Variants in SLC12A1 observed in about 807,000 individuals in gnomAD.
SLC12A1 encodes the protein Na-K-2Cl cotransporter.
In SLC12A1, 89 loss-of-function variants were observed where a neutral mutation model predicts 130.4. That is an observed-to-expected ratio of 0.68 (90% CI 0.58 to 0.81). The LOEUF (loss-of-function observed/expected upper bound fraction) is 0.81. Ranked by LOEUF, SLC12A1 falls within the 40% of genes least tolerant of loss-of-function variation. SLC12A1 has a pLI of 0.00. For missense variants in SLC12A1, 1,310 were observed against 1,336.4 expected, an observed-to-expected ratio of 0.98 and a Z score of 0.31; for synonymous variants, 499 against 460.0, an observed-to-expected ratio of 1.08 and a Z score of -1.09.
intron 17 of SLC12A1, among the ~76,000 whole-genome samples, chr15:48,266,319 T>C (rs545638766): frequency 2.0e-5 from 3 of 152,258 alleles, no homozygotes; most frequent in East Asian, 3.9e-4. Flanking sequence ...TATTACTACT[T>C]AAAGCAACCT....
intron 21 of SLC12A1, among the ~76,000 whole-genome samples, chr15:48,286,595 C>T (rs891747829): frequency 1.3e-5 from 2 of 152,298 alleles, no homozygotes; most frequent in Middle Eastern, 3.4e-3. Flanking sequence ...GCATTAATGT[C>T]CTTATTATGA....
chr15:48,301,503 G>GCGGGGT (rs1555387783), intron 26 of SLC12A1, 121 bp downstream of exon 26: 10 of 442,810 alleles, frequency 2.3e-5, no homozygotes, highest in African/African-American at 6.4e-5. Context: ...TGTTTTTTTT[G>GCGGGGT]GGGGGGGGAA....
intron 20 of SLC12A1, among the ~76,000 whole-genome samples, chr15:48,282,987 T>G (rs920107765): frequency 6.6e-6 from 1 of 152,190 alleles, no homozygotes; most frequent in African/African-American, 2.4e-5. Flanking sequence ...ATGAAGATGA[T>G]AATAGTAGTA....
At chr15:48,229,777 T>C (rs764772820) in intron 6 of SLC12A1, among the ~76,000 whole-genome samples, 10 of 152,256 alleles carry the variant, frequency 6.6e-5, no homozygotes, top group African/African-American at 1.2e-4. Flanking sequence ...AGCCATTTCC[T>C]AGTTTAGGTG....
chr15:48,301,352 A>G lies in SLC12A1; in HGVS notation c.3134A>G (p.Glu1045Gly). The G allele has an allele frequency of 6.3e-7, 1 of 1,597,894 alleles. No individual in the cohort carries two copies. ...RQVRLNELLQ[E>G]HSRAANLIVL... The stretch of plus-strand genomic sequence containing the variant: ...GTTCGACTGAATGAACTCTTACAGG[A>G]GCACTCCAGAGCTGCTAATCTCATT... The change falls in exon 26 of 27, where the codon GAG becomes GGG. Residue 1045 changes from glutamate to glycine, a missense_variant. Transcript: ENST00000380993.
intron 9 of SLC12A1, among the ~76,000 whole-genome samples, chr15:48,236,243 ATT>A (rs2041439110): frequency 6.6e-6 from 1 of 152,230 alleles, no homozygotes. Flanking sequence ...AAACATATGC[ATT>A]GTCCAGCGGG....
intron 26 of SLC12A1, among the ~76,000 whole-genome samples, chr15:48,302,460 A>T (rs571237784): frequency 2.6e-5 from 4 of 151,034 alleles, no homozygotes; most frequent in Admixed American, 2.6e-4. Context: ...CTCTACTAAA[A>T]ATACAAAAAA....
At chr15:48,247,246 A>G in intron 12 of SLC12A1, 91 bp from the exon 13 acceptor site, 1 of 1,355,134 alleles carries the variant, frequency 7.4e-7, no homozygotes, top group Non-Finnish European at 1.0e-6. Context: ...GTATCACTTA[A>G]TCTTTCCCCA....
At chr15:48,229,042 G>T in intron 5 of SLC12A1, 147 bp from the exon 6 acceptor site, 2 of 808,072 alleles carry the variant, frequency 2.5e-6, no homozygotes, top group Non-Finnish European at 3.8e-6. Context: ...TTATTCACTG[G>T]GTAACACAGG....
chr15:48,290,943 CA>C (rs2042113504), intron 23 of SLC12A1, among the ~76,000 whole-genome samples: 2 of 151,900 alleles, frequency 1.3e-5, no homozygotes, highest in African/African-American at 4.8e-5. Context: ...TTAAATTTTC[CA>C]ATTTCAAAAA....
chr15:48,251,770 G>A lies in SLC12A1; in HGVS notation c.1942G>A (p.Asp648Asn), dbSNP rs137853157. ...LYVYVTCKKP[D>N]VNWGSSTQAL... ...CGTCTATGTGACTTGTAAGAAGCCAGGTAAGATAATGACTGTCTGGAATAG... is the reference window on the plus strand; with the variant it reads ...CGTCTATGTGACTTGTAAGAAGCCAAGTAAGATAATGACTGTCTGGAATAG... The change falls in exon 15 of 27, where the codon GAT becomes AAT. Residue 648 changes from aspartate to asparagine, a missense_variant and splice_region_variant. Physicochemically the swap from Asp to Asn is conservative, Grantham distance 23 (BLOSUM62 1). Transcript: ENST00000380993. The A allele has an allele frequency of 1.9e-6, 3 of 1,613,370 alleles. No individual in the cohort carries two copies. The highest frequency in any genetic ancestry group is 1.3e-5 in the African/African-American group (1 of 74,916).
chr15:48,288,537 A>G (rs1187234129), intron 23 of SLC12A1, 21 bp downstream of exon 23: 3 of 1,084,608 alleles, frequency 2.8e-6, no homozygotes, highest in South Asian at 1.4e-5. Context: ...TGCCACTCAC[A>G]TGTTAGGTCA....
chr15:48,261,733 T>A (rs1379607117), intron 17 of SLC12A1, among the ~76,000 whole-genome samples: 1 of 152,156 alleles, frequency 6.6e-6, no homozygotes, highest in African/African-American at 2.4e-5. Context: ...AAATGTTAAA[T>A]AGTGATGATA....
intron 11 of SLC12A1, among the ~76,000 whole-genome samples, chr15:48,245,690 T>A (rs981857478): frequency 6.6e-6 from 1 of 152,230 alleles, no homozygotes. Context: ...CTAGATTGAT[T>A]CCATGTCTTT....
intron 20 of SLC12A1, among the ~76,000 whole-genome samples, chr15:48,282,388 C>G (rs923708703): frequency 6.6e-6 from 1 of 152,144 alleles, no homozygotes; most frequent in Non-Finnish European, 1.5e-5. Context: ...CCCGCTGACT[C>G]CATTACAAAA....
At chr15:48,285,030 A>C (rs1458081812) in intron 20 of SLC12A1, 76 bp from the exon 21 acceptor site, 3 of 1,155,166 alleles carry the variant, frequency 2.6e-6, no homozygotes, top group Non-Finnish European at 1.2e-6. Flanking sequence ...CATTTTAAAT[A>C]TTAAAAGTTT....
At position 48,303,681 on chromosome 15, in the gene SLC12A1, C is replaced by T. The variant is rs1483214529; in HGVS notation, c.*796C>T. Reference sequence around the variant, plus strand: ...ATCAAATATTTTGAAATTTCCATCACGGCATTACTTTGCATATTTTTTTCT... The same window carrying T: ...ATCAAATATTTTGAAATTTCCATCATGGCATTACTTTGCATATTTTTTTCT... On this transcript the variant is annotated 3_prime_UTR_variant, in exon 27 of 27. Transcript: ENST00000380993. 2.6e-5 allele frequency: 4 copies of T among 152,114 alleles called. No homozygotes were observed. Among genetic ancestry groups the T allele is most frequent in the East Asian group, 1.9e-4 (1 of 5,204 alleles). The allele number at this position is 152,114 out of a possible 1,614,324, so 9.4% of individuals were successfully genotyped here.
chr15:48,270,969 A>T (rs1043242536), intron 19 of SLC12A1, among the ~76,000 whole-genome samples: 6 of 150,892 alleles, frequency 4.0e-5, no homozygotes, highest in African/African-American at 1.5e-4. Flanking sequence ...CACCCCTGTA[A>T]TCCCAGCATT....
intron 8 of SLC12A1, among the ~76,000 whole-genome samples, chr15:48,233,970 T>G (rs1020301308): frequency 2.5e-4 from 38 of 152,274 alleles, no homozygotes; most frequent in African/African-American, 8.9e-4. Context: ...TGGGATGGTA[T>G]TATTTTATTA....
Sources: allele counts gnomAD v4.1 joint callset (sites outside exome capture counted in the v4.1 genomes callset), GRCh38; gene constraint gnomAD v4.1.1; transcripts MANE v1.5; gene names NCBI Gene and HGNC (gene_info 2026-07-23, HGNC 2026-07-21).